The following CD36 variants were observed in gnomAD, a reference collection of about 807,000 sequenced individuals.
CD36 encodes the protein platelet glycoprotein 4.
A neutral mutation model predicts 55.2 loss-of-function variants in CD36; 119 were observed. The ratio of observed to expected loss-of-function variants is 2.15; its 90% confidence interval spans 1.86 to 2.51. The LOEUF is 2.51. CD36 is among the 30% of genes most tolerant of loss of function. The pLI is 0.00. For missense variants in CD36, 819 were observed against 555.5 expected (o/e 1.47, Z -4.77); for synonymous variants, 186 against 193.6 (o/e 0.96, Z 0.33).
chr7:80,635,513 G>T (rs1156299022), upstream of CD36, among the ~76,000 whole-genome samples: 1 of 152,054 alleles, frequency 6.6e-6, no homozygotes, highest in Non-Finnish European at 1.5e-5. Flanking sequence ...GACCTCAAGT[G>T]ATCCGCCCAC....
chr7:80,619,014 G>A (rs567374712), intron 1 of CD36, among the ~76,000 whole-genome samples: 2 of 152,250 alleles, frequency 1.3e-5, no homozygotes, highest in African/African-American at 2.4e-5. Context: ...AACCTTCAAA[G>A]GACAGGCTGA....
intron 1 of CD36, among the ~76,000 whole-genome samples, chr7:80,605,686 G>A (rs951249258): frequency 5.3e-5 from 8 of 152,078 alleles, no homozygotes; most frequent in Non-Finnish European, 1.0e-4. Flanking sequence ...CTAAGCTTTA[G>A]GATTGATAAC....
intron 3 of CD36, among the ~76,000 whole-genome samples, chr7:80,648,226 G>C (rs1795318685): frequency 6.6e-6 from 1 of 152,106 alleles, no homozygotes; most frequent in African/African-American, 2.4e-5. Flanking sequence ...CCATTGATCT[G>C]ACATCCTTCC....
rs1288575051 is a variant in CD36, at chr7:80,665,232, A to G, written c.701+735A>G. 2.0e-5 allele frequency among the ~76,000 whole-genome samples: 3 copies of G among 151,958 alleles called. No individual in the cohort carries two copies. In the East Asian group the frequency reaches 5.8e-4, roughly 29 times the overall value. On this transcript the variant is annotated intron_variant, in intron 7 of 14. Coordinates refer to ENST00000447544, the MANE Select transcript of CD36 (RefSeq NM_001001548.3). ...TTTTCTAGCTCCAGCCTATTCACCT[A>G]AAGAATTTATAATTTATCATATATG...
At chr7:80,606,844 G>A (rs1032156241) in intron 1 of CD36, among the ~76,000 whole-genome samples, 3 of 152,134 alleles carry the variant, frequency 2.0e-5, no homozygotes, top group African/African-American at 7.2e-5. Context: ...TTACCAGCTG[G>A]TGGTAAAAGT....
intron 4 of CD36, 74 bp from the exon 5 acceptor site, chr7:80,660,989 G>A (rs934948631): frequency 9.1e-7 from 1 of 1,099,732 alleles, no homozygotes. Context: ...ATCATTTGTT[G>A]AATGAATGAC....
chr7:80,624,211 A>C (rs1793627097), intron 1 of CD36: 1 of 152,178 alleles, frequency 6.6e-6, no homozygotes, highest in Admixed American at 6.5e-5. Context: ...CTGTGTAATC[A>C]CAGTAAAGTT....
chr7:80,633,794 T>C (rs1290286730), upstream of CD36, among the ~76,000 whole-genome samples: 1 of 152,044 alleles, frequency 6.6e-6, no homozygotes, highest in Non-Finnish European at 1.5e-5. Flanking sequence ...CCCTAAAGAT[T>C]AAAGTGATAA....
At chr7:80,636,066 A>C, upstream of CD36, among the ~76,000 whole-genome samples, 1 of 152,130 alleles carries the variant, frequency 6.6e-6, no homozygotes, top group East Asian at 1.9e-4. Flanking sequence ...CCCCCTCTGC[A>C]AAAACCCAAC....
intron 11 of CD36, among the ~76,000 whole-genome samples, chr7:80,672,252 T>TAGATGAGGAGTTATTGTATA: frequency 6.6e-6 from 1 of 151,970 alleles, no homozygotes; most frequent in Admixed American, 6.6e-5. Flanking sequence ...TATTTATGTT[T>TAGATGAGGAGTTATTGTATA]AGATGAGGAG....
At chr7:80,644,954 A>G (rs1050373363) in intron 1 of CD36, among the ~76,000 whole-genome samples, 1 of 152,128 alleles carries the variant, frequency 6.6e-6, no homozygotes, top group Non-Finnish European at 1.5e-5. Context: ...TTCAAATACT[A>G]GTTAGAATTA....
intron 1 of CD36, among the ~76,000 whole-genome samples, chr7:80,606,836 A>C (rs1792577557): frequency 6.6e-6 from 1 of 152,104 alleles, no homozygotes; most frequent in Non-Finnish European, 1.5e-5. Context: ...GGGGATGGTT[A>C]CCAGCTGGTG....
chr7:80,673,930 T>C, intron 13 of CD36, 53 bp from the exon 14 acceptor site: 1 of 1,364,322 alleles, frequency 7.3e-7, no homozygotes, highest in Non-Finnish European at 1.0e-6. Context: ...TTGAAGGGTT[T>C]ATTTTGTTTT....
intron 1 of CD36, among the ~76,000 whole-genome samples, chr7:80,628,235 G>A (rs939121466): frequency 7.9e-5 from 12 of 151,918 alleles, no homozygotes; most frequent in African/African-American, 2.4e-4. Flanking sequence ...GCACCTATTA[G>A]GTATCAGGCA....
At chr7:80,638,350 T>C (rs1008650160), upstream of CD36, among the ~76,000 whole-genome samples, 2 of 151,252 alleles carry the variant, frequency 1.3e-5, no homozygotes, top group African/African-American at 4.9e-5. Flanking sequence ...ACTCAGCAAG[T>C]CAGTTCCTTT....
At chr7:80,631,596 A>C (rs189325806) in intron 1 of CD36, among the ~76,000 whole-genome samples, 2 of 151,908 alleles carry the variant, frequency 1.3e-5, no homozygotes, top group East Asian at 3.9e-4. Flanking sequence ...AGCTATCACA[A>C]AGACACATAC....
At chr7:80,607,088 C>G (rs973790755) in intron 1 of CD36, among the ~76,000 whole-genome samples, 13 of 152,120 alleles carry the variant, frequency 8.5e-5, no homozygotes, top group Admixed American at 1.3e-4. Context: ...AGGATGCTTA[C>G]TATAATTCCT....
intron 14 of CD36, chr7:80,675,978 T>G (rs970949405): frequency 6.9e-5 from 10 of 145,090 alleles, no homozygotes; most frequent in African/African-American, 2.5e-4. Context: ...ACCCTTCTTA[T>G]GTGCCTTTCT....
At position 80,672,985 on chromosome 7, in the gene CD36, T is replaced by C. The variant is rs1369318298; in HGVS notation, c.1199+142T>C. ...TTTAGCTTAATGTCACCAATCATTA[T>C]TAAATGCTTATGACTAATTTCACAG... On this transcript the variant is annotated intron_variant, in intron 12 of 14. Coordinates refer to ENST00000447544, the MANE Select transcript of CD36 (RefSeq NM_001001548.3). 2.9e-5 allele frequency: 20 copies of C among 682,100 alleles called. No homozygotes were observed. The South Asian group carries it at 3.0e-4, about 10-fold the overall frequency. 42.3% of individuals were successfully genotyped at this position (682,100 alleles called of 1,614,324 possible).
Sources: allele counts gnomAD v4.1 joint callset (sites outside exome capture counted in the v4.1 genomes callset), GRCh38; gene constraint gnomAD v4.1.1; transcripts MANE v1.5; gene names NCBI Gene and HGNC (gene_info 2026-07-23, HGNC 2026-07-21).